Variants in NELL1 observed in about 807,000 individuals in gnomAD.
NELL1 encodes neural EGFL like 1.
A neutral mutation model predicts 107.4 loss-of-function variants in NELL1; 76 were observed. The ratio of observed to expected loss-of-function variants is 0.71; its 90% confidence interval spans 0.59 to 0.86. The LOEUF (loss-of-function observed/expected upper bound fraction) is 0.86. Among genes scored for constraint, NELL1 ranks in the 40% least tolerant of loss-of-function variants. NELL1 has a pLI of 0.00. For missense variants in NELL1, 1,024 were observed against 1,005.5 expected, an observed-to-expected ratio of 1.02 and a Z score of -0.25; for synonymous variants, 353 against 341.2, an observed-to-expected ratio of 1.03 and a Z score of -0.38.
chr11:21,529,783 T>C (rs1855949891), intron 15 of NELL1, among the ~76,000 whole-genome samples: 1 of 152,166 alleles, frequency 6.6e-6, no homozygotes, highest in South Asian at 2.1e-4. Context: ...ATAGCAGTAA[T>C]ATTTAGTCCA....
chr11:20,894,740 T>A (rs1289462823), intron 5 of NELL1, among the ~76,000 whole-genome samples: 1 of 152,154 alleles, frequency 6.6e-6, no homozygotes, highest in African/African-American at 2.4e-5. Context: ...CATATATATG[T>A]CCTATGACCA....
chr11:20,703,901 G>A (rs976274804), intron 2 of NELL1, among the ~76,000 whole-genome samples: 1 of 152,174 alleles, frequency 6.6e-6, no homozygotes, highest in African/African-American at 2.4e-5. Context: ...TTTTACATTT[G>A]CTGAGGATTG....
chr11:21,223,098 G>GA (rs1857800901), intron 13 of NELL1, among the ~76,000 whole-genome samples: 1 of 151,956 alleles, frequency 6.6e-6, no homozygotes, highest in Non-Finnish European at 1.5e-5. Flanking sequence ...TTTTGTTGAT[G>GA]TTCTGTCTAG....
chr11:20,937,689 CTAGGT>C, intron 9 of NELL1, 92 bp from the exon 10 acceptor site: 1 of 838,860 alleles, frequency 1.2e-6, no homozygotes, highest in Non-Finnish European at 2.0e-6. Flanking sequence ...AGCAGAGAAT[CTAGGT>C]TTCTGTGGAA....
At chr11:21,045,242 T>C (rs924350322) in intron 12 of NELL1, among the ~76,000 whole-genome samples, 3 of 151,912 alleles carry the variant, frequency 2.0e-5, no homozygotes, top group Non-Finnish European at 2.9e-5. Context: ...CGTAAAAGGT[T>C]TTAGGTGAGA....
At chr11:21,042,915 T>C (rs1449005759) in intron 12 of NELL1, among the ~76,000 whole-genome samples, 1 of 152,156 alleles carries the variant, frequency 6.6e-6, no homozygotes, top group Non-Finnish European at 1.5e-5. Context: ...CCTATTTTTT[T>C]TTATTTTTAG....
intron 15 of NELL1, among the ~76,000 whole-genome samples, chr11:21,528,102 G>T (rs181943390): frequency 6.6e-6 from 1 of 152,260 alleles, no homozygotes; most frequent in Admixed American, 6.5e-5. Context: ...TACACAGAAG[G>T]AACTGAAGCC....
At chr11:21,366,400 A>G (rs544889520) in intron 14 of NELL1, among the ~76,000 whole-genome samples, 18 of 152,288 alleles carry the variant, frequency 1.2e-4, no homozygotes, top group African/African-American at 4.3e-4. Context: ...TTAGGCAGAC[A>G]TGGTCAAATT....
At chr11:20,936,728 C>T (rs1850733855) in intron 9 of NELL1, among the ~76,000 whole-genome samples, 1 of 152,144 alleles carries the variant, frequency 6.6e-6, no homozygotes, top group Non-Finnish European at 1.5e-5. Flanking sequence ...TAGCATGTTG[C>T]CTGCCCTTTA....
rs75374453 is a variant in NELL1 at position 21,446,679 on chromosome 11, T to C, written c.1645+75731T>C. Among the ~76,000 whole-genome samples the C allele has an allele frequency of 6.2e-3, 949 of 152,234 alleles. 11 individuals carry two copies. Among genetic ancestry groups the C allele is most frequent in the African/African-American group, 0.021 (865 of 41,552 alleles). ...GTCTGCTGAGCTGACTGGAGCTGAG[T>C]TAGGGGTAGCCAGCACCACTGGGAC... On this transcript the variant is annotated intron_variant, in intron 15 of 19. Transcript: ENST00000357134.
At chr11:20,948,271 T>C (rs1851004186) in intron 11 of NELL1, among the ~76,000 whole-genome samples, 1 of 152,028 alleles carries the variant, frequency 6.6e-6, no homozygotes, top group Non-Finnish European at 1.5e-5. Context: ...CAGGTTGTCC[T>C]TGAACTCTTG....
intron 13 of NELL1, among the ~76,000 whole-genome samples, chr11:21,223,017 C>T (rs550288507): frequency 2.0e-5 from 3 of 152,176 alleles, no homozygotes; most frequent in Non-Finnish European, 2.9e-5. Flanking sequence ...TATGCTTTGT[C>T]GTTGGATATA....
chr11:21,496,353 A>G (rs1854978072), intron 15 of NELL1, among the ~76,000 whole-genome samples: 2 of 147,342 alleles, frequency 1.4e-5, no homozygotes, highest in African/African-American at 2.5e-5. Flanking sequence ...AATTATTCTT[A>G]TAGGAGTTTC....
chr11:21,258,417 C>T (rs1318505056), intron 14 of NELL1, among the ~76,000 whole-genome samples: 1 of 151,800 alleles, frequency 6.6e-6, no homozygotes, highest in Non-Finnish European at 1.5e-5. Flanking sequence ...TATATAAAAT[C>T]AACATATTTT....
intron 14 of NELL1, among the ~76,000 whole-genome samples, chr11:21,336,504 C>G (rs1465264762): frequency 6.6e-6 from 1 of 151,830 alleles, no homozygotes; most frequent in Non-Finnish European, 1.5e-5. Flanking sequence ...TCAAAATTAT[C>G]TGCCCCCACA....
intron 4 of NELL1, among the ~76,000 whole-genome samples, chr11:20,879,206 A>G (rs1329868894): frequency 1.3e-5 from 2 of 152,166 alleles, no homozygotes; most frequent in Non-Finnish European, 1.5e-5. Flanking sequence ...CCACTACCAG[A>G]GTCTTGAAGA....
chr11:20,914,776 C>T (rs1315488956), intron 5 of NELL1, among the ~76,000 whole-genome samples: 9 of 151,950 alleles, frequency 5.9e-5, no homozygotes, highest in Non-Finnish European at 1.2e-4. Flanking sequence ...AGAAAAGCTA[C>T]TTAGAGTATC....
chr11:20,900,946 C>A (rs555193302), intron 5 of NELL1, among the ~76,000 whole-genome samples: 1 of 152,032 alleles, frequency 6.6e-6, no homozygotes, highest in Admixed American at 6.6e-5. Context: ...AAATTCTTAG[C>A]AAACTAGAAA....
chr11:20,823,071 G>A (rs1009802716), intron 3 of NELL1, among the ~76,000 whole-genome samples: 5 of 140,762 alleles, frequency 3.6e-5, no homozygotes, highest in African/African-American at 7.4e-5. Flanking sequence ...TACAAGGTCT[G>A]TATATTAGTC....
Sources: gnomAD v4.1 joint callset for allele counts (sites outside exome capture counted in the v4.1 genomes callset) on GRCh38, gnomAD v4.1.1 for gene constraint, MANE v1.5 for transcripts, NCBI Gene and HGNC (gene_info 2026-07-23, HGNC 2026-07-21) for gene names.